GPER1: variants seen among roughly 807,000 people sequenced by gnomAD.
The protein encoded by GPER1 is G protein-coupled receptor 30.
GPER1 carries 2 observed loss-of-function variants against 0.6 expected under a neutral mutation model. The observed-to-expected ratio is 3.41, with a 90% CI of 1.39 to 10.72. The LOEUF (loss-of-function observed/expected upper bound fraction) is 10.72. Among genes scored for constraint, GPER1 ranks in the 30% most tolerant of loss-of-function variants. The probability of loss-of-function intolerance (pLI) is 0.04; values close to 1 mark genes in which losing one functional copy is unlikely to be tolerated. For synonymous variants in GPER1, 263 were observed against 247.6 expected (o/e 1.06, Z -0.58); for missense variants, 441 against 535.2 (o/e 0.82, Z 1.74).
chr7:1,092,339 C>T lies in GPER1; in HGVS notation c.611C>T (p.Ala204Val). The T allele has an allele frequency of 6.2e-7, 1 of 1,611,536 alleles. No individual in the cohort carries two copies. The highest frequency in any genetic ancestry group is 1.1e-5 in the South Asian group (1 of 90,906). ...GTGCACCTGCAGCACACCGACGAGG[C>T]CTGCTTCTGTTTCGCGGATGTCCGG... Reference protein sequence around the residue: ...TAVHLQHTDEACFCFADVREV... With the variant: ...TAVHLQHTDEVCFCFADVREV... Residue 204 changes from alanine to valine, a missense_variant, in exon 2 of 2, where the codon GCC becomes GTC. By Grantham distance (64) the Ala-to-Val change is moderately conservative. Transcript: ENST00000397088.
chr7:1,089,327 GAC>G (rs751929552), intron 1 of GPER1, among the ~76,000 whole-genome samples: 7 of 152,214 alleles, frequency 4.6e-5, no homozygotes, highest in Non-Finnish European at 8.8e-5. Context: ...TAGAATAACT[GAC>G]ACAGAGGCAG....
rs546702167 is a variant in GPER1 at position 1,089,745 on chromosome 7, C to T, written c.-323+1424C>T. ...TTTTTTTTAAGTAAGTATTTTCAAG[C>T]AATAGGTCAACAAATCTCTAGTCTG... On this transcript the variant is annotated intron_variant, in intron 1 of 1. Coordinates refer to ENST00000397088, the MANE Select transcript of GPER1 (RefSeq NM_001098201.3). Among the ~76,000 whole-genome samples, 77 of 135,756 alleles carry T rather than the reference C, an allele frequency of 5.7e-4. 2 individuals are homozygous for T. Among genetic ancestry groups the T allele is most frequent in the African/African-American group, 1.8e-3 (63 of 35,366 alleles). The allele number at this position is 135,756 out of a possible 152,430, so 89.1% of individuals were successfully genotyped here.
chr7:1,093,217 C>T lies in GPER1; in HGVS notation c.*361C>T, dbSNP rs776856922. The T allele has an allele frequency of 1.7e-4, 86 of 499,298 alleles. No individual in the cohort carries two copies. Among genetic ancestry groups the T allele is most frequent in the Middle Eastern group, 1.2e-3 (4 of 3,238 alleles). The allele number at this position is 499,298 out of a possible 1,614,324, so 30.9% of individuals were successfully genotyped here. Reference sequence around the variant, plus strand: ...GACACCGTCGACCAGGAAAGCCACACGGAGAGGCCACTGTGGGTGAAGCGC... The same window carrying T: ...GACACCGTCGACCAGGAAAGCCACATGGAGAGGCCACTGTGGGTGAAGCGC... On this transcript the variant is annotated 3_prime_UTR_variant, in exon 2 of 2. Transcript: ENST00000397088.
Position 1,088,790 on chromosome 7 carries a change from T to A in GPER1, c.-323+469T>A, listed in dbSNP as rs962550425. Among the ~76,000 whole-genome samples, 1 of 152,046 alleles carries A rather than the reference T, an allele frequency of 6.6e-6. No individual in the cohort carries two copies. Among genetic ancestry groups the A allele is most frequent in the African/African-American group, 2.4e-5 (1 of 41,374 alleles). ...AGCAGAGGAAATCTGAAATGAGGTA[T>A]TGCACTGTTTATAACTCCATGGCCA... On this transcript the variant is annotated intron_variant, in intron 1 of 1. Coordinates refer to ENST00000397088, the MANE Select transcript of GPER1 (RefSeq NM_001098201.3). This position sits in a 1 kb window ranked among gnomAD's most constrained non-coding sequence, Gnocchi z 4.5.
Position 1,093,763 on chromosome 7 carries a change from TG to T in GPER1, c.*908del. The T allele has an allele frequency of 2.2e-6, 1 of 445,320 alleles. No individual in the cohort carries two copies. Among genetic ancestry groups the T allele is most frequent in the South Asian group, 1.6e-5 (1 of 60,912 alleles). 27.6% of individuals were successfully genotyped at this position (445,320 alleles called of 1,614,324 possible). A position where few individuals can be genotyped will look rare whatever the true frequency, so the allele number is the denominator to read the frequency against. ...TCCCATAAAATGTAAGAAAAGCTGA[TG>T]AGGCTGGTGACGTTCAGCCTTTGTC... On this transcript the variant is annotated 3_prime_UTR_variant, in exon 2 of 2. Transcript: ENST00000397088.
chr7:1,089,457 GGCT>G (rs1787718651), intron 1 of GPER1, among the ~76,000 whole-genome samples: 2 of 19,938 alleles, frequency 1.0e-4, no homozygotes, highest in African/African-American at 1.1e-3. Flanking sequence ...GTGTGATCTC[GGCT>G]GAGGCTCGAG....
At position 1,091,932 on chromosome 7, in the gene GPER1, C is replaced by T; in HGVS notation, c.204C>T (p.Phe68=). The change falls in exon 2 of 2, where the codon TTC becomes TTT. Residue 68 remains phenylalanine, a synonymous_variant. Transcript: ENST00000397088. ...TCCTCTCGTGCCTCTACACCATCTT[C>T]CTCTTCCCCATCGGCTTTGTGGGCA... The part of the protein sequence containing the change: ...GLFLSCLYTI[F]LFPIGFVGNI... 6.2e-7 allele frequency: 1 copy of T among 1,614,058 alleles called. No individual in the cohort carries two copies. The highest frequency in any genetic ancestry group is 8.5e-7 in the Non-Finnish European group (1 of 1,179,966).
Position 1,093,541 on chromosome 7 carries a change from C to A in GPER1, c.*685C>A, listed in dbSNP as rs545459626. The stretch of plus-strand genomic sequence containing the variant: ...GAAGGCCCCTCTGTGGAGCGCCCGC[C>A]GTCTGCTCCGGGGTGGTTCAGTCAC... On this transcript the variant is annotated 3_prime_UTR_variant, in exon 2 of 2. Coordinates refer to ENST00000397088, the MANE Select transcript of GPER1 (RefSeq NM_001098201.3). 10 of 471,046 alleles carry A rather than the reference C, an allele frequency of 2.1e-5. No individual in the cohort carries two copies. The highest frequency in any genetic ancestry group is 1.6e-4 in the African/African-American group (8 of 50,210). The allele number at this position is 471,046 out of a possible 1,614,324, so 29.2% of individuals were successfully genotyped here.
intron 1 of GPER1, among the ~76,000 whole-genome samples, chr7:1,091,009 C>T (rs527945958): frequency 6.6e-6 from 1 of 152,308 alleles, no homozygotes; most frequent in East Asian, 1.9e-4. Flanking sequence ...CCCTTCCTAT[C>T]TTACTTCTCC....
At chr7:1,090,723 C>A (rs1380957763) in intron 1 of GPER1, among the ~76,000 whole-genome samples, 1 of 152,262 alleles carries the variant, frequency 6.6e-6, no homozygotes, top group Non-Finnish European at 1.5e-5. Context: ...GGGAGGGACT[C>A]TCTCCCTGGA....
Position 1,093,693 on chromosome 7 carries a change from C to A in GPER1, c.*837C>A. The A allele has an allele frequency of 4.3e-6, 2 of 469,040 alleles. No homozygotes were observed. The allele number at this position is 469,040 out of a possible 1,614,324, so 29.1% of individuals were successfully genotyped here. ...CCTGTGGCTGACGAATTTGTTTCTACAGAAATAACAGCTGGGGACAACTGC... is the reference window on the plus strand; with the variant it reads ...CCTGTGGCTGACGAATTTGTTTCTAAAGAAATAACAGCTGGGGACAACTGC... On this transcript the variant is annotated 3_prime_UTR_variant, in exon 2 of 2. Transcript: ENST00000397088.
Position 1,092,607 on chromosome 7 carries a change from C to T in GPER1, c.879C>T (p.Pro293=). The change falls in exon 2 of 2, where the codon CCC becomes CCT. Residue 293 remains proline (P), a synonymous_variant. Transcript: ENST00000397088. ...LLQRTQPGAA[P]CKQSFRHAHP... ...AGCGGACGCAGCCTGGGGCCGCTCCCTGCAAGCAGTCTTTCCGCCATGCCC... is the reference window on the plus strand; with the variant it reads ...AGCGGACGCAGCCTGGGGCCGCTCCTTGCAAGCAGTCTTTCCGCCATGCCC... 1 of 1,612,026 alleles carries T rather than the reference C, an allele frequency of 6.2e-7. No individual in the cohort carries two copies. Among genetic ancestry groups the T allele is most frequent in the Non-Finnish European group, 8.5e-7 (1 of 1,179,986 alleles).
In GPER1 at chr7:1,093,173, C is replaced by T. The variant is rs568193210; in HGVS notation, c.*317C>T. Reference sequence around the variant, plus strand: ...CCTGCCTGCCGCTGCACCTGCCTGCCGCTGCAGGAAACATTTCTGACACCG... The same window carrying T: ...CCTGCCTGCCGCTGCACCTGCCTGCTGCTGCAGGAAACATTTCTGACACCG... On this transcript the variant is annotated 3_prime_UTR_variant, in exon 2 of 2. Transcript: ENST00000397088. 1.3e-4 allele frequency: 72 copies of T among 565,708 alleles called. No homozygotes were observed. The highest frequency in any genetic ancestry group is 6.5e-4 in the East Asian group (15 of 23,078). 35.0% of individuals were successfully genotyped at this position (565,708 alleles called of 1,614,324 possible).
At position 1,093,142 on chromosome 7, in the gene GPER1, G is replaced by A. The variant is rs1339734267; in HGVS notation, c.*286G>A. 8.1e-6 allele frequency: 5 copies of A among 616,832 alleles called. No individual in the cohort carries two copies. Among genetic ancestry groups the A allele is most frequent in the Admixed American group, 2.1e-5 (1 of 46,824 alleles). 38.2% of individuals were successfully genotyped at this position (616,832 alleles called of 1,614,324 possible). On this transcript the variant is annotated 3_prime_UTR_variant, in exon 2 of 2. Coordinates refer to ENST00000397088, the MANE Select transcript of GPER1 (RefSeq NM_001098201.3). The stretch of plus-strand genomic sequence containing the variant: ...CCAGCCTGTCACCCAGCTCCTCCCC[G>A]CCAACCCTGCCTGCCGCTGCACCTG...
Position 1,091,899 on chromosome 7 carries a change from C to T in GPER1, c.171C>T (p.Ile57=), listed in dbSNP as rs769930139. The change falls in exon 2 of 2, where the codon ATC becomes ATT. Residue 57 remains isoleucine, a synonymous_variant. Coordinates refer to ENST00000397088, the MANE Select transcript of GPER1 (RefSeq NM_001098201.3). ...GELSEHQQYV[I]GLFLSCLYTI... Reference sequence around the variant, plus strand: ...TCTCGGAGCACCAGCAGTACGTGATCGGCCTGTTCCTCTCGTGCCTCTACA... The same window carrying T: ...TCTCGGAGCACCAGCAGTACGTGATTGGCCTGTTCCTCTCGTGCCTCTACA... 21 of 1,613,866 alleles carry T rather than the reference C, an allele frequency of 1.3e-5. No individual in the cohort carries two copies. In the East Asian group the frequency reaches 1.8e-4, roughly 14 times the overall value.
At position 1,093,418 on chromosome 7, in the gene GPER1, C is replaced by T. The variant is rs1788234042; in HGVS notation, c.*562C>T. 2 of 460,238 alleles carry T rather than the reference C, an allele frequency of 4.3e-6. No individual in the cohort carries two copies. The highest frequency in any genetic ancestry group is 9.1e-6 in the Non-Finnish European group (2 of 220,112). The allele number at this position is 460,238 out of a possible 1,614,324, so 28.5% of individuals were successfully genotyped here. On this transcript the variant is annotated 3_prime_UTR_variant, in exon 2 of 2. Transcript: ENST00000397088. ...AGAAGGAAAACATGCTGCTCTGGTG[C>T]ACGCCTGAGCGTCCTCCATCTTCCA... is the stretch of plus-strand genomic sequence containing the variant.
chr7:1,093,582 A>G lies in GPER1; in HGVS notation c.*726A>G, dbSNP rs528332561. The G allele has an allele frequency of 1.5e-5, 7 of 471,142 alleles. No homozygotes were observed. The highest frequency in any genetic ancestry group is 9.3e-5 in the South Asian group (6 of 64,568). 29.2% of individuals were successfully genotyped at this position (471,142 alleles called of 1,614,324 possible). ...GTTCAGTCACTGCTTGTTGACATCAACATGGCAATTGCACTCATGTGGACT... is the reference window on the plus strand; with the variant it reads ...GTTCAGTCACTGCTTGTTGACATCAGCATGGCAATTGCACTCATGTGGACT... On this transcript the variant is annotated 3_prime_UTR_variant, in exon 2 of 2. Transcript: ENST00000397088.
rs1253618567 is a variant in GPER1, at chr7:1,093,617, C to T, written c.*761C>T. 2.8e-5 allele frequency: 13 copies of T among 471,072 alleles called. No homozygotes were observed. Among genetic ancestry groups the T allele is most frequent in the Admixed American group, 1.6e-4 (7 of 42,572 alleles). 29.2% of individuals were successfully genotyped at this position (471,072 alleles called of 1,614,324 possible). On this transcript the variant is annotated 3_prime_UTR_variant, in exon 2 of 2. Coordinates refer to ENST00000397088, the MANE Select transcript of GPER1 (RefSeq NM_001098201.3). ...TGCACTCATGTGGACTGGGACCGTG[C>T]GAGCTGCCGTGTGGGTTAGTCGGGT...
Position 1,093,514 on chromosome 7 carries a change from AG to A in GPER1, c.*660del, listed in dbSNP as rs1271518317. On this transcript the variant is annotated 3_prime_UTR_variant, in exon 2 of 2. Coordinates refer to ENST00000397088, the MANE Select transcript of GPER1 (RefSeq NM_001098201.3). Reference sequence around the variant, plus strand: ...GCAGCAGCGCTCGGCCCGGAGCAGCAGGAAGGCCCCTCTGTGGAGCGCCCGC... The same window carrying A: ...GCAGCAGCGCTCGGCCCGGAGCAGCAGAAGGCCCCTCTGTGGAGCGCCCGC... 5 of 470,804 alleles carry A rather than the reference AG, an allele frequency of 1.1e-5. No individual in the cohort carries two copies. The highest frequency in any genetic ancestry group is 8.0e-5 in the African/African-American group (4 of 50,112). The allele number at this position is 470,804 out of a possible 1,614,324, so 29.2% of individuals were successfully genotyped here. A position where few individuals can be genotyped will look rare whatever the true frequency, so the allele number is the denominator to read the frequency against.
Sources: allele counts gnomAD v4.1 joint callset (sites outside exome capture counted in the v4.1 genomes callset), GRCh38; gene constraint gnomAD v4.1.1; non-coding constraint Gnocchi (gnomAD v3.1); transcripts MANE v1.5; gene names NCBI Gene and HGNC (gene_info 2026-07-23, HGNC 2026-07-21).